ROBO2: variants seen among roughly 807,000 people sequenced by gnomAD.
ROBO2 encodes the protein roundabout guidance receptor 2, also known as roundabout homolog 2.
A neutral mutation model predicts 160.8 loss-of-function variants in ROBO2; 53 were observed. The ratio of observed to expected loss-of-function variants is 0.33; its 90% confidence interval spans 0.26 to 0.41. ROBO2 has a LOEUF of 0.41. Ranked by LOEUF, ROBO2 falls within the 10% of genes least tolerant of loss-of-function variation. ROBO2 has a pLI of 1.00. For missense variants in ROBO2, 1,577 were observed against 1,722.4 expected (o/e 0.92, Z 1.49); for synonymous variants, 664 against 611.7 (o/e 1.09, Z -1.26).
chr3:77,176,513 C>T (rs1053137759), intron 2 of ROBO2, among the ~76,000 whole-genome samples: 1 of 151,842 alleles, frequency 6.6e-6, no homozygotes, highest in Non-Finnish European at 1.5e-5. Context: ...AATAGATAAA[C>T]GTGACTTGGT....
chr3:77,050,066 T>A (rs1270037880), intron 1 of ROBO2, among the ~76,000 whole-genome samples: 1 of 152,218 alleles, frequency 6.6e-6, no homozygotes, highest in Non-Finnish European at 1.5e-5. Flanking sequence ...AATGCTAGAA[T>A]ATGATTAAAC....
intron 2 of ROBO2, among the ~76,000 whole-genome samples, chr3:76,969,192 A>G (rs901530628): frequency 6.6e-6 from 1 of 152,226 alleles, no homozygotes; most frequent in Admixed American, 6.5e-5. Context: ...CACCTTATCT[A>G]TTGCAGATTT....
chr3:76,314,764 A>C (rs2071866103), intron 2 of ROBO2, among the ~76,000 whole-genome samples: 1 of 152,186 alleles, frequency 6.6e-6, no homozygotes, highest in Admixed American at 6.5e-5. Flanking sequence ...AACATGTGTT[A>C]ATCAACAGTT....
chr3:76,520,202 G>A (rs2107866351), intron 2 of ROBO2, among the ~76,000 whole-genome samples: 1 of 152,234 alleles, frequency 6.6e-6, no homozygotes, highest in South Asian at 2.1e-4. Context: ...TGTAATCCCA[G>A]CACTTTTGGA....
At chr3:76,097,132 C>T (rs1287870053) in intron 2 of ROBO2, among the ~76,000 whole-genome samples, 1 of 152,110 alleles carries the variant, frequency 6.6e-6, no homozygotes, top group Non-Finnish European at 1.5e-5. Context: ...ATCAATATGT[C>T]GTGGGAATGC....
intron 1 of ROBO2, among the ~76,000 whole-genome samples, chr3:77,094,723 G>A (rs946755276): frequency 6.6e-6 from 1 of 152,084 alleles, no homozygotes; most frequent in Non-Finnish European, 1.5e-5. Context: ...GATTATATAT[G>A]TCCTAGTGGG....
intron 2 of ROBO2, among the ~76,000 whole-genome samples, chr3:77,140,018 G>A (rs2076580679): frequency 6.6e-6 from 1 of 152,180 alleles, no homozygotes; most frequent in Non-Finnish European, 1.5e-5. Context: ...TGAAAGAAGG[G>A]TGGCTGTTTG....
chr3:76,640,934 G>A (rs1481541374), intron 2 of ROBO2, among the ~76,000 whole-genome samples: 1 of 152,182 alleles, frequency 6.6e-6, no homozygotes, highest in Non-Finnish European at 1.5e-5. Flanking sequence ...GAATACTACT[G>A]CTGGATTATG....
chr3:77,174,484 A>G (rs1196694984), intron 2 of ROBO2, among the ~76,000 whole-genome samples: 1 of 151,960 alleles, frequency 6.6e-6, no homozygotes, highest in Non-Finnish European at 1.5e-5. Context: ...TTAAAAATTT[A>G]TTTCTAGTTA....
chr3:76,030,141 T>C (rs1032358551), intron 2 of ROBO2, among the ~76,000 whole-genome samples: 1 of 152,236 alleles, frequency 6.6e-6, no homozygotes, highest in African/African-American at 2.4e-5. Flanking sequence ...TTTTCATGTG[T>C]CTGTTGGCTG....
intron 2 of ROBO2, among the ~76,000 whole-genome samples, chr3:77,240,972 T>C (rs2088950370): frequency 6.6e-6 from 1 of 152,220 alleles, no homozygotes; most frequent in African/African-American, 2.4e-5. Context: ...CAACTTACTT[T>C]TTGTTATTTT....
intron 2 of ROBO2, among the ~76,000 whole-genome samples, chr3:76,740,690 A>T (rs1576350646): frequency 6.6e-6 from 1 of 152,132 alleles, no homozygotes; most frequent in East Asian, 1.9e-4. Flanking sequence ...ATCTTTGAGA[A>T]CTAAATTACC....
chr3:76,892,553 G>T (rs577362653), intron 2 of ROBO2, among the ~76,000 whole-genome samples: 4 of 152,168 alleles, frequency 2.6e-5, no homozygotes, highest in African/African-American at 9.6e-5. Context: ...CTTTTTACCT[G>T]ACTGATTTCC....
intron 2 of ROBO2, among the ~76,000 whole-genome samples, chr3:76,474,407 C>T (rs894497252): frequency 5.9e-5 from 9 of 152,098 alleles, no homozygotes; most frequent in Non-Finnish European, 4.4e-5. Flanking sequence ...TAACTTTCTA[C>T]ACATTTTAAA....
chr3:77,095,072 A>C (rs2070864358), intron 1 of ROBO2, among the ~76,000 whole-genome samples: 2 of 152,088 alleles, frequency 1.3e-5, no homozygotes, highest in African/African-American at 4.8e-5. Context: ...TTTTGGTATC[A>C]TATCCAAGAA....
At chr3:76,628,007 G>A (rs1474192640) in intron 2 of ROBO2, among the ~76,000 whole-genome samples, 2 of 150,902 alleles carry the variant, frequency 1.3e-5, no homozygotes, top group Non-Finnish European at 2.9e-5. Context: ...ATTATAACAA[G>A]AGTAGTTTTA....
intron 2 of ROBO2, among the ~76,000 whole-genome samples, chr3:76,897,725 T>G (rs966301993): frequency 6.0e-5 from 9 of 149,632 alleles, no homozygotes; most frequent in Non-Finnish European, 1.3e-4. Context: ...TTTTTTTTTT[T>G]GAAATTTTTT....
intron 3 of ROBO2, among the ~76,000 whole-genome samples, chr3:77,480,655 T>C (rs735189): frequency 0.52 from 78,559 of 151,934 alleles, 20,754 homozygotes; most frequent in East Asian, 0.63. Flanking sequence ...CCACTGTCTC[T>C]TAAGTGTCCA....
In ROBO2 at chr3:77,478,060, C is replaced by T. The variant is rs189375848; in HGVS notation, c.546+489C>T. Reference sequence around the variant, plus strand: ...CAGGATGGTCTCCATCTCTTGACCTCGTGATCCACCCACCTCAGCCCCCCA... The same window carrying T: ...CAGGATGGTCTCCATCTCTTGACCTTGTGATCCACCCACCTCAGCCCCCCA... On this transcript the variant is annotated intron_variant, in intron 3 of 25. Transcript: ENST00000461745. Among the ~76,000 whole-genome samples, 6 of 151,986 alleles carry T rather than the reference C, an allele frequency of 3.9e-5. No individual in the cohort carries two copies. The East Asian group carries it at 1.2e-3, about 29-fold the overall frequency.
Sources: allele counts gnomAD v4.1 joint callset (sites outside exome capture counted in the v4.1 genomes callset), GRCh38; gene constraint gnomAD v4.1.1; transcripts MANE v1.5; gene names NCBI Gene and HGNC (gene_info 2026-07-23, HGNC 2026-07-21).